Variants in TNIK observed in about 807,000 individuals in gnomAD.
The protein encoded by TNIK is TRAF2 and NCK interacting kinase, also known as TRAF2 and NCK-interacting protein kinase.
TNIK carries 49 observed loss-of-function variants against 191.3 expected under a neutral mutation model. That is an observed-to-expected ratio of 0.26 (90% CI 0.20 to 0.32). The LOEUF (loss-of-function observed/expected upper bound fraction) is 0.32. Among genes scored for constraint, TNIK ranks in the 10% least tolerant of loss-of-function variants. The probability of loss-of-function intolerance (pLI) is 1.00; values close to 1 mark genes in which losing one functional copy is unlikely to be tolerated. For missense variants in TNIK, 1,155 were observed against 1,702.3 expected (o/e 0.68, Z 5.66); for synonymous variants, 594 against 600.9 (o/e 0.99, Z 0.17).
chr3:171,359,670 T>C (rs1714683361), intron 2 of TNIK, among the ~76,000 whole-genome samples: 1 of 152,218 alleles, frequency 6.6e-6, no homozygotes, highest in African/African-American at 2.4e-5. Context: ...GAACAGCAGA[T>C]ATTTCTTTTT....
intron 2 of TNIK, among the ~76,000 whole-genome samples, chr3:171,241,106 C>G (rs1364525340): frequency 6.6e-6 from 1 of 151,778 alleles, no homozygotes; most frequent in South Asian, 2.1e-4. Flanking sequence ...TCTTGGCTCA[C>G]CGCAACCTCC....
intron 2 of TNIK, among the ~76,000 whole-genome samples, chr3:171,308,815 A>T (rs1435483526): frequency 6.6e-6 from 1 of 152,110 alleles, no homozygotes; most frequent in Non-Finnish European, 1.5e-5. Flanking sequence ...AACATCACTA[A>T]TCATTAGAGA....
chr3:171,316,344 C>A (rs771721366), intron 2 of TNIK, among the ~76,000 whole-genome samples: 1 of 152,006 alleles, frequency 6.6e-6, no homozygotes, highest in African/African-American at 2.4e-5. Context: ...AATAGGCCAA[C>A]AAGGAGGAAT....
At chr3:171,103,360 G>C (rs1401223629) in intron 21 of TNIK, among the ~76,000 whole-genome samples, 1 of 151,858 alleles carries the variant, frequency 6.6e-6, no homozygotes, top group Non-Finnish European at 1.5e-5. Context: ...GCAAATTTCT[G>C]GTTTCTTTGG....
chr3:171,157,036 C>T lies in TNIK; in HGVS notation c.1221+424G>A, dbSNP rs902632909. On this transcript the variant is annotated intron_variant, in intron 12 of 32. Transcript: ENST00000436636. ...CAGGGAATAAAAGAGATAAAATCTC[C>T]TTGTCCTGATGGAGCTTAAATTCCA... Among the ~76,000 whole-genome samples, 3 of 152,174 alleles carry T rather than the reference C, an allele frequency of 2.0e-5. No individual in the cohort carries two copies. In the East Asian group the frequency reaches 5.8e-4, roughly 29 times the overall value.
intron 7 of TNIK, among the ~76,000 whole-genome samples, chr3:171,182,372 A>G (rs551475988): frequency 6.6e-6 from 1 of 152,248 alleles, no homozygotes; most frequent in African/African-American, 2.4e-5. Flanking sequence ...AACTTAAGTA[A>G]AGGAGAAAAT....
intron 2 of TNIK, among the ~76,000 whole-genome samples, chr3:171,333,542 C>A (rs993456907): frequency 6.7e-6 from 1 of 148,270 alleles, no homozygotes; most frequent in Non-Finnish European, 1.5e-5. Context: ...CCACTGCACT[C>A]CAACCTGGGC....
chr3:171,340,000 C>G (rs1277360063), intron 2 of TNIK, among the ~76,000 whole-genome samples: 1 of 151,888 alleles, frequency 6.6e-6, no homozygotes, highest in Non-Finnish European at 1.5e-5. Context: ...GATTTATGTT[C>G]AAAGATATAA....
chr3:171,351,103 C>A (rs1713099783), intron 2 of TNIK, among the ~76,000 whole-genome samples: 2 of 152,156 alleles, frequency 1.3e-5, no homozygotes, highest in South Asian at 4.1e-4. Context: ...GTTGCTCAGG[C>A]TGGTCTCGAA....
chr3:171,095,660 T>TG (rs149389141), intron 22 of TNIK, among the ~76,000 whole-genome samples: 4,149 of 152,276 alleles, frequency 0.027, 191 homozygotes, highest in African/African-American at 0.087. Flanking sequence ...ATGATGTCTC[T>TG]GGGGCAGAGA....
intron 12 of TNIK, among the ~76,000 whole-genome samples, chr3:171,154,845 T>G (rs749314253): frequency 5.3e-5 from 8 of 152,240 alleles, no homozygotes; most frequent in Non-Finnish European, 1.0e-4. Context: ...AAGCTGAGTC[T>G]TCTCTCCACC....
intron 1 of TNIK, among the ~76,000 whole-genome samples, chr3:171,371,775 GA>G (rs1376642335): frequency 9.3e-5 from 14 of 150,458 alleles, no homozygotes; most frequent in Admixed American, 5.3e-4. Context: ...ATGAGGAAAA[GA>G]AAAAAAAAGC....
At chr3:171,398,310 G>GGTCA (rs1720498416) in intron 1 of TNIK, among the ~76,000 whole-genome samples, 1 of 152,164 alleles carries the variant, frequency 6.6e-6, no homozygotes, top group Non-Finnish European at 1.5e-5. Context: ...GTGTGAAACA[G>GGTCA]GTCAGTATAC....
At chr3:171,138,099 T>C (rs747909677) in intron 15 of TNIK, 92 bp downstream of exon 15, 103 of 1,234,132 alleles carry the variant, frequency 8.3e-5, no homozygotes, top group Non-Finnish European at 1.1e-4. Context: ...TTTCCAACTT[T>C]GCAGCACTGG....
At chr3:171,334,610 C>A (rs1193452805) in intron 2 of TNIK, among the ~76,000 whole-genome samples, 1 of 152,116 alleles carries the variant, frequency 6.6e-6, no homozygotes, top group African/African-American at 2.4e-5. Flanking sequence ...TGGCTCATTC[C>A]GTTTTCCTTC....
In TNIK at chr3:171,071,276, C is replaced by T. The variant is rs763313985; in HGVS notation, c.3496G>A (p.Val1166Met). ...KFLVIALKNA[V>M]EIYAWAPKPY... ...TTAGGAGCCCAAGCATATATTTCCA[C>T]AGCATTCTTTAAGGCAATCACCAAA... is the stretch of plus-strand genomic sequence containing the variant. Residue 1166 changes from valine to methionine, a missense_variant, in exon 29 of 33, where the codon GTG becomes ATG. Around this residue, in one of 3 missense-constraint regions of TNIK, gnomAD observed 195 missense variants for 415.4 expected, o/e 0.47. Transcript: ENST00000436636. 2 of 1,605,894 alleles carry T rather than the reference C, an allele frequency of 1.2e-6. No individual in the cohort carries two copies. Among genetic ancestry groups the T allele is most frequent in the Non-Finnish European group, 1.7e-6 (2 of 1,176,410 alleles).
intron 2 of TNIK, among the ~76,000 whole-genome samples, chr3:171,312,394 C>T (rs1319405465): frequency 1.3e-5 from 2 of 151,870 alleles, no homozygotes; most frequent in African/African-American, 4.8e-5. Context: ...CGTTTTCAAA[C>T]TTAAAAAAAA....
intron 5 of TNIK, among the ~76,000 whole-genome samples, chr3:171,191,817 C>T (rs1333655138): frequency 1.3e-5 from 2 of 152,156 alleles, no homozygotes; most frequent in Non-Finnish European, 2.9e-5. Context: ...AATTCTTTAA[C>T]CTACAGACTT....
At chr3:171,322,604 T>C (rs1454527522) in intron 2 of TNIK, among the ~76,000 whole-genome samples, 1 of 152,156 alleles carries the variant, frequency 6.6e-6, no homozygotes, top group Non-Finnish European at 1.5e-5. Context: ...ATGTCACACG[T>C]AACTTGAAAA....
Sources: gnomAD v4.1 joint callset for allele counts (sites outside exome capture counted in the v4.1 genomes callset) on GRCh38, gnomAD v4.1.1 for gene constraint, gnomAD v4.1.1 regional missense constraint, MANE v1.5 for transcripts, NCBI Gene and HGNC (gene_info 2026-07-23, HGNC 2026-07-21) for gene names.